AHRR: variants seen among roughly 807,000 people sequenced by gnomAD.
AHRR encodes the protein ahR repressor.
AHRR carries 28 observed loss-of-function variants against 44.0 expected under a neutral mutation model. That is an observed-to-expected ratio of 0.64 (90% CI 0.47 to 0.87). AHRR has a LOEUF of 0.87. Ranked by LOEUF, AHRR falls within the 40% of genes least tolerant of loss-of-function variation. The probability of loss-of-function intolerance (pLI) is 0.00; values close to 1 mark genes in which losing one functional copy is unlikely to be tolerated. For synonymous variants in AHRR, 434 were observed against 407.0 expected (o/e 1.07, Z -0.80); for missense variants, 990 against 953.9 (o/e 1.04, Z -0.50).
chr5:399,348 T>C (rs1734911819), intron 4 of AHRR, among the ~76,000 whole-genome samples: 1 of 152,212 alleles, frequency 6.6e-6, no homozygotes, highest in Non-Finnish European at 1.5e-5. Context: ...GTTTATGAGT[T>C]GTAAGTCTGC....
chr5:407,115 T>C (rs732111), intron 4 of AHRR, among the ~76,000 whole-genome samples: 28,799 of 152,200 alleles, frequency 0.19, 4,202 homozygotes, highest in African/African-American at 0.41. Flanking sequence ...ATAAGATGCT[T>C]CTGTCTCCTG....
intron 5 of AHRR, among the ~76,000 whole-genome samples, chr5:416,227 C>A (rs1383168264): frequency 6.6e-6 from 1 of 152,218 alleles, no homozygotes; most frequent in Non-Finnish European, 1.5e-5. Flanking sequence ...CAGGCCACTG[C>A]CCTGTTGGGA....
At chr5:362,462 T>A (rs143402893) in intron 3 of AHRR, among the ~76,000 whole-genome samples, 1,540 of 152,344 alleles carry the variant, frequency 0.01, 11 homozygotes, top group Non-Finnish European at 0.015. Context: ...CTCTCCAGGC[T>A]GTGCTCCAAC....
At chr5:339,090 T>C (rs999371896) in intron 1 of AHRR, among the ~76,000 whole-genome samples, 4 of 152,208 alleles carry the variant, frequency 2.6e-5, no homozygotes, top group Non-Finnish European at 5.9e-5. Flanking sequence ...TAATTGGTTT[T>C]AGTAAAATTT....
rs1349530564 is a variant in AHRR at position 405,884 on chromosome 5, C to T, written c.352-7460C>T. ...TAGCAAGGCTCTCGGTCTGAGGCTGCGTCCTTCTGGTGTGGCTTTCCTCCT... is the reference window on the plus strand; with the variant it reads ...TAGCAAGGCTCTCGGTCTGAGGCTGTGTCCTTCTGGTGTGGCTTTCCTCCT... On this transcript the variant is annotated intron_variant, in intron 4 of 10. Coordinates refer to ENST00000684583, the MANE Select transcript of AHRR (RefSeq NM_001377236.1). This position sits in a 1 kb window ranked among gnomAD's most constrained non-coding sequence, Gnocchi z 4.5. Among the ~76,000 whole-genome samples, 1 of 152,216 alleles carries T rather than the reference C, an allele frequency of 6.6e-6. No individual in the cohort carries two copies. Among genetic ancestry groups the T allele is most frequent in the Non-Finnish European group, 1.5e-5 (1 of 68,038 alleles).
chr5:361,160 A>G (rs778937802), intron 3 of AHRR, among the ~76,000 whole-genome samples: 2 of 152,164 alleles, frequency 1.3e-5, no homozygotes, highest in African/African-American at 4.8e-5. Flanking sequence ...GAGGCAGAGA[A>G]TTGCTTGAAC....
intron 1 of AHRR, among the ~76,000 whole-genome samples, chr5:330,732 CTT>C (rs2126326932): frequency 6.6e-6 from 1 of 151,998 alleles, no homozygotes; most frequent in African/African-American, 2.4e-5. Flanking sequence ...TCTGTTGTGT[CTT>C]TGTCTGATTT....
intron 2 of AHRR, among the ~76,000 whole-genome samples, chr5:351,566 T>C (rs561975440): frequency 6.6e-6 from 1 of 152,324 alleles, no homozygotes; most frequent in South Asian, 2.1e-4. Flanking sequence ...TGCTGAGAGC[T>C]GACTGAGGGC....
At chr5:396,565 G>A (rs115374955) in intron 4 of AHRR, among the ~76,000 whole-genome samples, 14,949 of 152,236 alleles carry the variant, frequency 0.098, 1,007 homozygotes, top group Admixed American at 0.13. Context: ...CCGCTTCTTC[G>A]GCCTTTCTGC....
intron 3 of AHRR, 105 bp downstream of exon 3, chr5:354,016 C>G: frequency 8.2e-7 from 1 of 1,219,364 alleles, no homozygotes; most frequent in Non-Finnish European, 1.2e-6. Context: ...GTGGGTTGCA[C>G]CATGTGCACT....
intron 2 of AHRR, among the ~76,000 whole-genome samples, chr5:345,607 T>G (rs1237989556): frequency 6.6e-6 from 1 of 151,094 alleles, no homozygotes; most frequent in African/African-American, 2.4e-5. Flanking sequence ...TCTGTGTGTG[T>G]GGGTGTGTGT....
At chr5:409,556 T>C (rs1362727950) in intron 4 of AHRR, among the ~76,000 whole-genome samples, 1 of 152,222 alleles carries the variant, frequency 6.6e-6, no homozygotes, top group Non-Finnish European at 1.5e-5. Flanking sequence ...ACATCCCTGA[T>C]GGCTAAGGAT....
Position 425,479 on chromosome 5 carries a change from G to A in AHRR, c.708+1502G>A, listed in dbSNP as rs139444159. 3.6e-3 allele frequency among the ~76,000 whole-genome samples: 547 copies of A among 152,184 alleles called. 2 individuals carry two copies. Among genetic ancestry groups the A allele is most frequent in the South Asian group, 0.013 (62 of 4,808 alleles). On this transcript the variant is annotated intron_variant, in intron 7 of 10. Transcript: ENST00000684583. ...ACTACAGGCGCCTGCCACCACGCCCGGCTAATTTTTTTGTATTTTTAGTAG... is the reference window on the plus strand; with the variant it reads ...ACTACAGGCGCCTGCCACCACGCCCAGCTAATTTTTTTGTATTTTTAGTAG...
In AHRR at chr5:433,805, C is replaced by T. The variant is rs185074881; in HGVS notation, c.1113-48C>T. ...GAGACCCCCACCCAGGGCAGCCAGA[C>T]CTGGTGTCTTCAGCTGCTGTCAAAT... On this transcript the variant is annotated intron_variant, in intron 10 of 10. Coordinates refer to ENST00000684583, the MANE Select transcript of AHRR (RefSeq NM_001377236.1). 8.9e-6 allele frequency: 13 copies of T among 1,458,482 alleles called. No homozygotes were observed. The Admixed American group carries it at 1.9e-4, about 21-fold the overall frequency. 90.3% of individuals were successfully genotyped at this position (1,458,482 alleles called of 1,614,324 possible). A position where few individuals can be genotyped will look rare whatever the true frequency, so the allele number is the denominator to read the frequency against.
rs1741711673 is a variant in AHRR, at chr5:326,341, T to C, written c.-11+4522T>C. Among the ~76,000 whole-genome samples the C allele has an allele frequency of 6.6e-6, 1 of 152,232 alleles. No homozygotes were observed. The highest frequency in any genetic ancestry group is 2.4e-5 in the African/African-American group (1 of 41,460). On this transcript the variant is annotated intron_variant, in intron 1 of 10. Transcript: ENST00000684583. The surrounding 1 kb of genome is among the most constrained non-coding windows in gnomAD (Gnocchi z 4.1). ...GATATATCATGCAATGGGGTCAGTG[T>C]GTGTCCTTCTGTGTCCAGCTTCTTT...
chr5:366,064 C>A (rs1235211190), intron 3 of AHRR, among the ~76,000 whole-genome samples: 2 of 151,852 alleles, frequency 1.3e-5, no homozygotes, highest in Non-Finnish European at 2.9e-5. Context: ...ACCTTCCCCC[C>A]CCACCCCCTG....
chr5:371,920 C>T (rs1407930801), intron 3 of AHRR, among the ~76,000 whole-genome samples: 10 of 152,184 alleles, frequency 6.6e-5, no homozygotes, highest in Non-Finnish European at 1.3e-4. Flanking sequence ...TGAGTGAAAA[C>T]GATGGAGAAG....
rs1331195570 is a variant in AHRR at position 433,934 on chromosome 5, G to T, written c.1194G>T (p.Lys398Asn). 3 of 1,538,888 alleles carry T rather than the reference G, an allele frequency of 1.9e-6. No individual in the cohort carries two copies. Among genetic ancestry groups the T allele is most frequent in the Admixed American group, 4.0e-5 (2 of 49,756 alleles). Reference protein sequence around the residue: ...TGRRETPGPTKPLPWTAGKHS... With the variant: ...TGRRETPGPTNPLPWTAGKHS... The stretch of plus-strand genomic sequence containing the variant: ...GGAGGGAGACTCCAGGACCCACAAA[G>T]CCCCTGCCCTGGACAGCGGGAAAGC... The change falls in exon 11 of 11, where the codon AAG becomes AAT. Residue 398 changes from lysine (K) to asparagine (N), a missense_variant. Coordinates refer to ENST00000684583, the MANE Select transcript of AHRR (RefSeq NM_001377236.1).
chr5:432,056 C>T lies in AHRR; in HGVS notation c.909-407C>T, dbSNP rs1178625070. 3 of 239,296 alleles carry T rather than the reference C, an allele frequency of 1.3e-5. No individual in the cohort carries two copies. The Admixed American group carries it at 1.6e-4, about 13-fold the overall frequency. 14.8% of individuals were successfully genotyped at this position (239,296 alleles called of 1,614,324 possible). On this transcript the variant is annotated intron_variant, in intron 8 of 10. Coordinates refer to ENST00000684583, the MANE Select transcript of AHRR (RefSeq NM_001377236.1). Reference sequence around the variant, plus strand: ...TGTGATGCGTGTGTGGGTACACACACATGTCCCGTGTGAGTTGGTCTCCAA... The same window carrying T: ...TGTGATGCGTGTGTGGGTACACACATATGTCCCGTGTGAGTTGGTCTCCAA...
Sources: gnomAD v4.1 joint callset for allele counts (sites outside exome capture counted in the v4.1 genomes callset) on GRCh38, gnomAD v4.1.1 for gene constraint, Gnocchi (gnomAD v3.1) non-coding constraint, MANE v1.5 for transcripts, NCBI Gene and HGNC (gene_info 2026-07-23, HGNC 2026-07-21) for gene names.